The following BAZ2B variants were observed in gnomAD, a reference collection of about 807,000 sequenced individuals.
BAZ2B encodes the protein bromodomain adjacent to zinc finger domain 2B.
Under a neutral mutation model 246.0 loss-of-function variants are expected in BAZ2B, and 91 were observed. That is an observed-to-expected ratio of 0.37 (90% confidence interval 0.31 to 0.44). The LOEUF (loss-of-function observed/expected upper bound fraction) is 0.44. Ranked by LOEUF, BAZ2B falls within the 20% of genes least tolerant of loss-of-function variation. The pLI, the probability that BAZ2B is intolerant of heterozygous loss-of-function variation, is 1.00. For synonymous variants in BAZ2B, 855 were observed against 860.0 expected (o/e 0.99, Z 0.10); for missense variants, 2,332 against 2,533.7 (o/e 0.92, Z 1.71).
chr2:159,350,753 A>G (rs1201975747), intron 27 of BAZ2B, among the ~76,000 whole-genome samples: 3 of 152,154 alleles, frequency 2.0e-5, no homozygotes, highest in Non-Finnish European at 4.4e-5. Flanking sequence ...TTGTATTTTT[A>G]GTAGAAACAG....
At chr2:159,648,808 T>G in the BAZ2B span, among the ~76,000 whole-genome samples, 1 of 152,216 alleles carries the variant, frequency 6.6e-6, no homozygotes, top group Non-Finnish European at 1.5e-5. Context: ...CAGACTTATG[T>G]CATTACATCT....
At chr2:159,323,741 T>C (rs1007167350) in intron 36 of BAZ2B, among the ~76,000 whole-genome samples, 1 of 151,488 alleles carries the variant, frequency 6.6e-6, no homozygotes, top group Non-Finnish European at 1.5e-5. Flanking sequence ...GAGGCAGAGA[T>C]TGCAGTGAGC....
Position 159,386,589 on chromosome 2 carries a change from G to A in BAZ2B, c.3235C>T (p.Arg1079Cys), listed in dbSNP as rs200801343. 26 of 1,604,520 alleles carry A rather than the reference G, an allele frequency of 1.6e-5. No homozygotes were observed. The Admixed American group carries it at 2.4e-4, about 15-fold the overall frequency. Residue 1079 changes from arginine (R) to cysteine (C), a missense_variant, in exon 22 of 37, where the codon CGT becomes TGT. By Grantham distance (180) the Arg-to-Cys change is radical. Transcript: ENST00000392783. ...CCAGAGAGAACAAGTCCTGGAATAC[G>A]AGGCAACTCTGGCAAAGGCTGAAAA... ...ADQKPLPELP[R>C]IPGLVLSGST...
At chr2:159,519,195 T>C (rs1223627696) in intron 2 of BAZ2B, among the ~76,000 whole-genome samples, 2 of 145,102 alleles carry the variant, frequency 1.4e-5, no homozygotes, top group Non-Finnish European at 3.0e-5. Flanking sequence ...AAATTCCAAC[T>C]TCATATTCTA....
rs150541312 is a variant in BAZ2B at position 159,446,265 on chromosome 2, G to A, written c.696+517C>T. Among the ~76,000 whole-genome samples the A allele has an allele frequency of 5.5e-3, 842 of 152,320 alleles. 3 individuals carry two copies. The highest frequency in any genetic ancestry group is 9.7e-3 in the Non-Finnish European group (658 of 68,030). ...ATTGAGAGCTGAGAGGCAATAAATT[G>A]ATAACTTGCAAAGTTGGGGATATAC... On this transcript the variant is annotated intron_variant, in intron 6 of 36. Coordinates refer to ENST00000392783, the MANE Select transcript of BAZ2B (RefSeq NM_013450.4).
intron 14 of BAZ2B, among the ~76,000 whole-genome samples, chr2:159,407,033 C>T (rs1462197104): frequency 2.0e-5 from 3 of 151,582 alleles, no homozygotes; most frequent in Admixed American, 6.6e-5. Context: ...GGATTACAGG[C>T]GTGAGCCAGC....
upstream of BAZ2B, among the ~76,000 whole-genome samples, chr2:159,619,092 C>T (rs1037965338): frequency 2.0e-5 from 3 of 151,860 alleles, no homozygotes; most frequent in African/African-American, 7.3e-5. Context: ...GGAAATATGT[C>T]TAATCTACAG....
intron 27 of BAZ2B, among the ~76,000 whole-genome samples, chr2:159,357,895 C>T (rs1304459734): frequency 6.6e-6 from 1 of 152,134 alleles, no homozygotes; most frequent in Admixed American, 6.5e-5. Flanking sequence ...AAATAAAATC[C>T]CTTACAGACA....
intron 1 of BAZ2B, among the ~76,000 whole-genome samples, chr2:159,570,258 C>T (rs993628027): frequency 6.6e-6 from 1 of 151,048 alleles, no homozygotes; most frequent in African/African-American, 2.4e-5. Flanking sequence ...AATTTCAGCT[C>T]ACTGCAATCT....
chr2:159,539,042 T>G (rs188388473), intron 2 of BAZ2B, among the ~76,000 whole-genome samples: 42 of 152,356 alleles, frequency 2.8e-4, no homozygotes, highest in African/African-American at 9.6e-4. Context: ...ACCTATACTC[T>G]GCTTCAAAAC....
At chr2:159,416,780 A>G (rs1023935709) in intron 13 of BAZ2B, among the ~76,000 whole-genome samples, 5 of 152,202 alleles carry the variant, frequency 3.3e-5, no homozygotes, top group African/African-American at 1.2e-4. Context: ...ATACTTTCTA[A>G]AGGGATTGCA....
rs1330503507 is a variant in BAZ2B, at chr2:159,616,520, C to G, written c.-324G>C. 6.6e-6 allele frequency: 1 copy of G among 152,224 alleles called. No homozygotes were observed. Among genetic ancestry groups the G allele is most frequent in the Non-Finnish European group, 1.5e-5 (1 of 68,082 alleles). The allele number at this position is 152,224 out of a possible 1,614,324, so 9.4% of individuals were successfully genotyped here. ...TCTCAAGGTTTGTTCAGCAGCTTCACTTCTAGGCGAAGGCTTCATGAACCA... is the reference window on the plus strand; with the variant it reads ...TCTCAAGGTTTGTTCAGCAGCTTCAGTTCTAGGCGAAGGCTTCATGAACCA... On this transcript the variant is annotated 5_prime_UTR_variant, in exon 1 of 37. Coordinates refer to ENST00000392783, the MANE Select transcript of BAZ2B (RefSeq NM_013450.4).
chr2:159,711,680 A>C, the BAZ2B span, among the ~76,000 whole-genome samples: 1 of 152,228 alleles, frequency 6.6e-6, no homozygotes, highest in Non-Finnish European at 1.5e-5. Context: ...ACACATAGTT[A>C]GATGTAGCTT....
At chr2:159,466,884 T>C (rs72947565) in intron 3 of BAZ2B, among the ~76,000 whole-genome samples, 3,789 of 152,222 alleles carry the variant, frequency 0.025, 72 homozygotes, top group Non-Finnish European at 0.042. Flanking sequence ...GGGAGGACAA[T>C]GTGCTCTACT....
chr2:159,594,316 A>G (rs6432541), intron 1 of BAZ2B, among the ~76,000 whole-genome samples: 62,513 of 152,090 alleles, frequency 0.41, 13,281 homozygotes, highest in African/African-American at 0.5. Context: ...CTAAGGCAGG[A>G]GAATGGCATG....
At chr2:159,662,049 T>A in the BAZ2B span, among the ~76,000 whole-genome samples, 2 of 152,240 alleles carry the variant, frequency 1.3e-5, no homozygotes, top group African/African-American at 4.8e-5. Context: ...ACTGTCTGTC[T>A]CTGGATTTAC....
At chr2:159,654,270 A>G in the BAZ2B span, among the ~76,000 whole-genome samples, 16 of 152,212 alleles carry the variant, frequency 1.1e-4, no homozygotes, top group Non-Finnish European at 1.9e-4. Context: ...TTTCTTTGTT[A>G]TATCTACAGA....
At chr2:159,407,225 A>G (rs1045859889) in intron 14 of BAZ2B, among the ~76,000 whole-genome samples, 1 of 151,940 alleles carries the variant, frequency 6.6e-6, no homozygotes, top group African/African-American at 2.4e-5. Context: ...TAATCCCAGC[A>G]CTTTGGGAGG....
chr2:159,474,741 A>G (rs1028312664), intron 3 of BAZ2B, among the ~76,000 whole-genome samples: 1 of 152,142 alleles, frequency 6.6e-6, no homozygotes, highest in Admixed American at 6.5e-5. Context: ...AGCTCTTGTA[A>G]GGCAGGACTG....
Sources: gnomAD v4.1 joint callset for allele counts (sites outside exome capture counted in the v4.1 genomes callset) on GRCh38, gnomAD v4.1.1 for gene constraint, MANE v1.5 for transcripts, NCBI Gene and HGNC (gene_info 2026-07-23, HGNC 2026-07-21) for gene names.